Variants in MOB1B observed in about 807,000 individuals in gnomAD.
MOB1B encodes the protein MOB1 Mps One Binder homolog B.
Under a neutral mutation model 24.4 loss-of-function variants are expected in MOB1B, and 19 were observed. That is an observed-to-expected ratio of 0.78 (90% confidence interval 0.54 to 1.14). The LOEUF is 1.14. Among genes scored for constraint, MOB1B ranks in the 50% most tolerant of loss-of-function variants. The probability of loss-of-function intolerance (pLI) is 0.00; values close to 1 mark genes in which losing one functional copy is unlikely to be tolerated. For synonymous variants in MOB1B, 76 were observed against 82.1 expected, an observed-to-expected ratio of 0.93 and a Z score of 0.40; for missense variants, 243 against 259.6, an observed-to-expected ratio of 0.94 and a Z score of 0.44.
rs1265444820 is a variant in MOB1B at position 70,983,552 on chromosome 4, T to C, written c.*1495T>C. On this transcript the variant is annotated 3_prime_UTR_variant, in exon 6 of 6. Transcript: ENST00000309395. Reference sequence around the variant, plus strand: ...TAGTTTTGTCATTTTCGATAAATCTTTCTTCAGTTAGAAATATATATCCTT... The same window carrying C: ...TAGTTTTGTCATTTTCGATAAATCTCTCTTCAGTTAGAAATATATATCCTT... The C allele has an allele frequency of 1.3e-5, 2 of 152,444 alleles. No homozygotes were observed. Among genetic ancestry groups the C allele is most frequent in the East Asian group, 3.8e-4 (2 of 5,204 alleles). The allele number at this position is 152,444 out of a possible 1,614,324, so 9.4% of individuals were successfully genotyped here.
chr4:70,948,667 T>TAA (rs1282364250), intron 1 of MOB1B, among the ~76,000 whole-genome samples: 1 of 152,214 alleles, frequency 6.6e-6, no homozygotes, highest in African/African-American at 2.4e-5. Flanking sequence ...TTCATGGTGT[T>TAA]GGTTTTCCTG....
intron 1 of MOB1B, among the ~76,000 whole-genome samples, chr4:70,923,074 C>A (rs1022789355): frequency 6.6e-6 from 1 of 152,148 alleles, no homozygotes; most frequent in Non-Finnish European, 1.5e-5. Flanking sequence ...CAAAGGAGAA[C>A]GTCACATTAA....
chr4:70,982,124 A>C lies in MOB1B; in HGVS notation c.*67A>C. ...TGTGGAGTGTATTGGGGATTTTGTT[A>C]TATTTTGTTTTTATCTGGATTGTTT... is the stretch of plus-strand genomic sequence containing the variant. On this transcript the variant is annotated 3_prime_UTR_variant, in exon 6 of 6. Coordinates refer to ENST00000309395, the MANE Select transcript of MOB1B (RefSeq NM_173468.4). 8.1e-7 allele frequency: 1 copy of C among 1,238,796 alleles called. No homozygotes were observed. Among genetic ancestry groups the C allele is most frequent in the Non-Finnish European group, 1.2e-6 (1 of 860,168 alleles). The allele number at this position is 1,238,796 out of a possible 1,614,324, so 76.7% of individuals were successfully genotyped here. A position where few individuals can be genotyped will look rare whatever the true frequency, so the allele number is the denominator to read the frequency against.
chr4:70,902,528 G>T lies in MOB1B; in HGVS notation c.-9G>T. 1 of 1,564,470 alleles carries T rather than the reference G, an allele frequency of 6.4e-7. No homozygotes were observed. On this transcript the variant is annotated 5_prime_UTR_variant, in exon 1 of 6. Transcript: ENST00000309395. ...GACCGCCGAGCCTGCAGCCTGCCCC[G>T]CGGCCAACATGAGCTTCTTGTTGTG...
At chr4:70,947,498 G>A (rs1230151968) in intron 1 of MOB1B, among the ~76,000 whole-genome samples, 2 of 152,002 alleles carry the variant, frequency 1.3e-5, no homozygotes, top group Non-Finnish European at 2.9e-5. Flanking sequence ...TCTTATTGTT[G>A]AATTTTAACA....
chr4:70,910,185 C>T (rs1482066193), intron 1 of MOB1B, among the ~76,000 whole-genome samples: 4 of 151,020 alleles, frequency 2.6e-5, no homozygotes, highest in East Asian at 3.9e-4. Flanking sequence ...GGACTACAGG[C>T]GTGTGCCACC....
Position 70,970,037 on chromosome 4 carries a change from T to G in MOB1B, c.275+13T>G, listed in dbSNP as rs764043390. On this transcript the variant is annotated intron_variant, in intron 3 of 5. Coordinates refer to ENST00000309395, the MANE Select transcript of MOB1B (RefSeq NM_173468.4). ...CAGCTGGCCCAAAGTAAGACATAGT[T>G]AATGATCAGTTTCTTATTTTTACAT... The G allele has an allele frequency of 1.1e-5, 16 of 1,410,070 alleles. No homozygotes were observed. In the East Asian group the frequency reaches 3.7e-4, roughly 32 times the overall value. 87.3% of individuals were successfully genotyped at this position (1,410,070 alleles called of 1,614,324 possible).
chr4:70,914,003 G>A (rs1049363719), intron 1 of MOB1B, among the ~76,000 whole-genome samples: 28 of 152,004 alleles, frequency 1.8e-4, no homozygotes, highest in African/African-American at 6.8e-4. Flanking sequence ...TCACCAAGGT[G>A]ATGGTATTAG....
At position 70,930,254 on chromosome 4, in the gene MOB1B, AG is replaced by A. The variant is rs201254693; in HGVS notation, c.14+27705del. 4.4e-3 allele frequency among the ~76,000 whole-genome samples: 672 copies of A among 152,226 alleles called. 3 individuals are homozygous for A. The highest frequency in any genetic ancestry group is 7.0e-3 in the Non-Finnish European group (479 of 68,010). On this transcript the variant is annotated intron_variant, in intron 1 of 5. Transcript: ENST00000309395. ...ACTACAGGCAATAAACTGATAATTTAGTGTACATAAACATGTTTGGGAGGCA... is the reference window on the plus strand; with the variant it reads ...ACTACAGGCAATAAACTGATAATTTATGTACATAAACATGTTTGGGAGGCA...
At chr4:70,945,554 A>G (rs764261653) in intron 1 of MOB1B, among the ~76,000 whole-genome samples, 3 of 152,236 alleles carry the variant, frequency 2.0e-5, no homozygotes, top group Admixed American at 1.3e-4. Context: ...AGCTGAAGAT[A>G]TAAATTTTGA....
chr4:70,941,563 G>C (rs1269769124), intron 1 of MOB1B, among the ~76,000 whole-genome samples: 1 of 151,840 alleles, frequency 6.6e-6, no homozygotes, highest in Admixed American at 6.6e-5. Context: ...GGATGGTCTC[G>C]ATCTCCTGAC....
chr4:70,941,110 T>A (rs759328563), intron 1 of MOB1B, among the ~76,000 whole-genome samples: 7 of 152,156 alleles, frequency 4.6e-5, no homozygotes, highest in Non-Finnish European at 1.0e-4. Flanking sequence ...ATTGTCTGAT[T>A]TTCTCTTTAT....
intron 1 of MOB1B, among the ~76,000 whole-genome samples, chr4:70,935,080 G>A (rs1183054273): frequency 6.6e-6 from 1 of 152,190 alleles, no homozygotes; most frequent in Non-Finnish European, 1.5e-5. Context: ...GTGCATGCCA[G>A]TATGCCCGAC....
chr4:70,935,847 AT>A lies in MOB1B; in HGVS notation c.15-23005del, dbSNP rs11395356. On this transcript the variant is annotated intron_variant, in intron 1 of 5. Transcript: ENST00000309395. Reference sequence around the variant, plus strand: ...GTGTACCACCATGCCTGGTACACTAATTTTTTTTTTTTTTTTTTTTTTGAGA... The same window carrying A: ...GTGTACCACCATGCCTGGTACACTAATTTTTTTTTTTTTTTTTTTTTGAGA... Among the ~76,000 whole-genome samples the A allele has an allele frequency of 4.2e-3, 426 of 100,362 alleles. 3 individuals are homozygous for A. Among genetic ancestry groups the A allele is most frequent in the African/African-American group, 0.016 (399 of 24,442 alleles). The allele number at this position is 100,362 out of a possible 152,430, so 65.8% of individuals were successfully genotyped here.
intron 1 of MOB1B, among the ~76,000 whole-genome samples, chr4:70,944,183 T>C (rs1332390403): frequency 3.3e-5 from 5 of 152,122 alleles, no homozygotes; most frequent in Admixed American, 3.3e-4. Flanking sequence ...TATAGGCACA[T>C]GCCACCATGC....
chr4:70,946,542 A>C (rs1405200234), intron 1 of MOB1B, among the ~76,000 whole-genome samples: 1 of 152,216 alleles, frequency 6.6e-6, no homozygotes, highest in Non-Finnish European at 1.5e-5. Flanking sequence ...GCAAGGGGAT[A>C]AAGTCAGAAA....
At chr4:70,907,426 A>G (rs889705488) in intron 1 of MOB1B, among the ~76,000 whole-genome samples, 37 of 149,196 alleles carry the variant, frequency 2.5e-4, no homozygotes, top group African/African-American at 8.1e-4. Context: ...TGGAATTCTG[A>G]AAAAAAAAAA....
At chr4:70,930,155 A>G (rs1380748650) in intron 1 of MOB1B, among the ~76,000 whole-genome samples, 2 of 152,224 alleles carry the variant, frequency 1.3e-5, no homozygotes, top group Non-Finnish European at 2.9e-5. Context: ...AGTATAGTCT[A>G]TAAGGGTGGA....
chr4:70,942,732 C>G (rs766697798), intron 1 of MOB1B: 41 of 251,310 alleles, frequency 1.6e-4, no homozygotes, highest in Non-Finnish European at 2.1e-4. Context: ...AAGATACAGA[C>G]TAGGGCAGGA....
Sources: allele counts gnomAD v4.1 joint callset (sites outside exome capture counted in the v4.1 genomes callset), GRCh38; gene constraint gnomAD v4.1.1; transcripts MANE v1.5; gene names NCBI Gene and HGNC (gene_info 2026-07-23, HGNC 2026-07-21).